Variants in DAB1 observed in about 807,000 individuals in gnomAD.
DAB1 encodes the protein disabled homolog 1.
DAB1 carries 15 observed loss-of-function variants against 64.6 expected under a neutral mutation model. The ratio of observed to expected loss-of-function variants is 0.23; its 90% CI spans 0.16 to 0.36. DAB1 has a LOEUF of 0.36. DAB1 is among the 10% of genes least tolerant of loss of function. The pLI, the probability that DAB1 is intolerant of heterozygous loss-of-function variation, is 1.00. For synonymous variants in DAB1, 235 were observed against 251.9 expected, an observed-to-expected ratio of 0.93 and a Z score of 0.64; for missense variants, 596 against 706.7, an observed-to-expected ratio of 0.84 and a Z score of 1.78.
At chr1:57,703,593 G>A (rs930508521) in intron 6 of DAB1, among the ~76,000 whole-genome samples, 1 of 152,148 alleles carries the variant, frequency 6.6e-6, no homozygotes, top group Non-Finnish European at 1.5e-5. Flanking sequence ...TGGTGGGAGT[G>A]TAAATTAGTT....
intron 7 of DAB1, among the ~76,000 whole-genome samples, chr1:57,477,470 A>G (rs1643952972): frequency 6.6e-6 from 1 of 152,202 alleles, no homozygotes; most frequent in African/African-American, 2.4e-5. Flanking sequence ...GGGCCATTAT[A>G]AGTTTGGAAA....
rs181848304 is a variant in DAB1 at position 58,449,725 on chromosome 1, A to G, written n.257+56335T>C. 1.6e-4 allele frequency among the ~76,000 whole-genome samples: 23 copies of G among 142,424 alleles called. No individual in the cohort carries two copies. In the East Asian group the frequency reaches 4.5e-3, roughly 28 times the overall value. 93.4% of individuals were successfully genotyped at this position (142,424 alleles called of 152,430 possible). A position where few individuals can be genotyped will look rare whatever the true frequency, so the allele number is the denominator to read the frequency against. On this transcript the variant is annotated intron_variant and non_coding_transcript_variant, in intron 3 of 20. Coordinates refer to the DAB1 transcript ENST00000485760. ...CCTACCCCACGTTGACTTGTCCCCA[A>G]AGGAGACAACTTCCTGAAGCCAGGC...
At chr1:57,955,218 C>A (rs949286157) in intron 5 of DAB1, among the ~76,000 whole-genome samples, 7 of 152,168 alleles carry the variant, frequency 4.6e-5, no homozygotes, top group Admixed American at 2.0e-4. Context: ...GTGCCATGAA[C>A]CTTGAGGCTC....
At chr1:57,762,570 CAT>C (rs929425019) in intron 6 of DAB1, among the ~76,000 whole-genome samples, 7 of 151,196 alleles carry the variant, frequency 4.6e-5, no homozygotes, top group African/African-American at 1.5e-4. Flanking sequence ...TGCAGCAAGA[CAT>C]AAAAAAAAAT....
At chr1:57,052,238 C>T (rs1649266510) in intron 9 of DAB1, among the ~76,000 whole-genome samples, 1 of 152,112 alleles carries the variant, frequency 6.6e-6, no homozygotes. Flanking sequence ...CAAAATCAAC[C>T]TTATATTCTT....
intron 1 of DAB1, among the ~76,000 whole-genome samples, chr1:57,300,267 AG>A (rs1673532051): frequency 6.6e-6 from 1 of 152,134 alleles, no homozygotes; most frequent in Non-Finnish European, 1.5e-5. Flanking sequence ...TCCAACTGCA[AG>A]GAGCTCAAAT....
intron 1 of DAB1, among the ~76,000 whole-genome samples, chr1:58,528,565 G>C (rs1646386169): frequency 6.6e-6 from 1 of 152,164 alleles, no homozygotes; most frequent in Admixed American, 6.5e-5. Context: ...AGAGGAGGGA[G>C]AGCTACTGAC....
At chr1:57,502,313 C>T (rs6660267) in intron 7 of DAB1, among the ~76,000 whole-genome samples, 192 of 91,450 alleles carry the variant, frequency 2.1e-3, no homozygotes, top group African/African-American at 6.4e-3. Context: ...AGCAAGAGTC[C>T]GTCTCAAAAA....
intron 2 of DAB1, among the ~76,000 whole-genome samples, chr1:57,277,030 C>G (rs1337490754): frequency 6.6e-6 from 1 of 152,192 alleles, no homozygotes; most frequent in Non-Finnish European, 1.5e-5. Context: ...GTAATCATCA[C>G]TTAGCCCTTA....
chr1:58,073,924 TC>T (rs1156403969), intron 5 of DAB1, among the ~76,000 whole-genome samples: 3 of 152,166 alleles, frequency 2.0e-5, no homozygotes, highest in Non-Finnish European at 4.4e-5. Context: ...CCTGGGGACA[TC>T]CTCAGCTATC....
At chr1:57,001,835 C>T (rs867398320) in intron 14 of DAB1, among the ~76,000 whole-genome samples, 1 of 152,280 alleles carries the variant, frequency 6.6e-6, no homozygotes, top group Non-Finnish European at 1.5e-5. Context: ...TCAAGGCTTC[C>T]TGGACTCTGC....
At chr1:57,827,843 G>C (rs963856211) in intron 1 of DAB1, among the ~76,000 whole-genome samples, 1 of 152,270 alleles carries the variant, frequency 6.6e-6, no homozygotes, top group South Asian at 2.1e-4. Context: ...CAATCCCTAA[G>C]AGCTTACCTT....
intron 5 of DAB1, among the ~76,000 whole-genome samples, chr1:58,078,511 T>C (rs981047511): frequency 1.6e-4 from 24 of 152,338 alleles, no homozygotes; most frequent in African/African-American, 5.8e-4. Context: ...TTTTACCTTG[T>C]TCTCTCCCTT....
chr1:57,367,308 C>G (rs372654274), intron 1 of DAB1, among the ~76,000 whole-genome samples: 92 of 151,826 alleles, frequency 6.1e-4, no homozygotes, highest in Non-Finnish European at 1.1e-3. Flanking sequence ...CAAAATGGTA[C>G]TCTGAAAAAA....
At chr1:57,320,167 C>T (rs1675583893) in intron 1 of DAB1, among the ~76,000 whole-genome samples, 5 of 152,130 alleles carry the variant, frequency 3.3e-5, no homozygotes, top group Admixed American at 3.3e-4. Flanking sequence ...TGGGAGAGGA[C>T]TGTATTATGG....
intron 6 of DAB1, among the ~76,000 whole-genome samples, chr1:57,781,396 C>G (rs913836377): frequency 4.6e-5 from 7 of 151,656 alleles, no homozygotes; most frequent in Non-Finnish European, 1.0e-4. Context: ...TCCAGAAATC[C>G]TGTCTCTATT....
chr1:57,435,102 G>A (rs980933890), intron 7 of DAB1, among the ~76,000 whole-genome samples: 4 of 140,654 alleles, frequency 2.8e-5, no homozygotes, highest in Non-Finnish European at 6.0e-5. Flanking sequence ...AGGCTGGAGC[G>A]TAGTGGCATG....
At chr1:58,130,790 C>T (rs1482000984) in intron 5 of DAB1, among the ~76,000 whole-genome samples, 1 of 152,136 alleles carries the variant, frequency 6.6e-6, no homozygotes, top group Non-Finnish European at 1.5e-5. Context: ...TTGGCCCCCA[C>T]TCTCTTCTGG....
At chr1:58,040,506 A>G (rs930293738) in intron 5 of DAB1, among the ~76,000 whole-genome samples, 3 of 152,196 alleles carry the variant, frequency 2.0e-5, no homozygotes, top group African/African-American at 7.2e-5. Flanking sequence ...GTTTTTTCTT[A>G]TTAAAGCAGT....
Sources: allele counts gnomAD v4.1 joint callset (sites outside exome capture counted in the v4.1 genomes callset), GRCh38; gene constraint gnomAD v4.1.1; transcripts MANE v1.5; gene names NCBI Gene and HGNC (gene_info 2026-07-23, HGNC 2026-07-21).